The following NOL4L variants were observed in gnomAD, a reference collection of about 807,000 sequenced individuals.
NOL4L encodes nucleolar protein 4-like.
In NOL4L, 7 loss-of-function variants were observed where a neutral mutation model predicts 64.5. That is an observed-to-expected ratio of 0.11 (90% CI 0.06 to 0.20). NOL4L has a LOEUF of 0.20. Among genes scored for constraint, NOL4L ranks in the 10% least tolerant of loss-of-function variants. The pLI is 1.00. For missense variants in NOL4L, 680 were observed against 967.1 expected (o/e 0.70, Z 3.94); for synonymous variants, 413 against 401.0 (o/e 1.03, Z -0.36).
At chr20:32,575,322 C>T (rs1180146803) in intron 1 of NOL4L, among the ~76,000 whole-genome samples, 1 of 152,148 alleles carries the variant, frequency 6.6e-6, no homozygotes, top group African/African-American at 2.4e-5. Flanking sequence ...AATGTTCTTC[C>T]AAACATGCTT....
chr20:32,516,959 C>T (rs1314000721), intron 3 of NOL4L, among the ~76,000 whole-genome samples: 1 of 152,258 alleles, frequency 6.6e-6, no homozygotes, highest in Non-Finnish European at 1.5e-5. Context: ...AGGTCCCTTT[C>T]CCCAAGAGCT....
chr20:32,568,710 A>G (rs550394276), intron 1 of NOL4L, among the ~76,000 whole-genome samples: 6 of 152,146 alleles, frequency 3.9e-5, no homozygotes, highest in Non-Finnish European at 8.8e-5. Flanking sequence ...TGGGCTTCCC[A>G]ACATGGCCAG....
At position 32,584,660 on chromosome 20, in the gene NOL4L, C is replaced by T; in HGVS notation, c.231G>A (p.Gln77=). ...GPAAGEKGKF[Q]FWVRSKGFRL... ...GGAAGCCCTTGGAGCGCACCCAGAACTGGAACTTGCCTTTCTCGCCGGCTG... is the reference window on the plus strand; with the variant it reads ...GGAAGCCCTTGGAGCGCACCCAGAATTGGAACTTGCCTTTCTCGCCGGCTG... The change falls in exon 1 of 11, where the codon CAG becomes CAA. Residue 77 remains glutamine, a synonymous_variant. Coordinates refer to ENST00000621426, the MANE Select transcript of NOL4L (RefSeq NM_001256798.2). 2.6e-6 allele frequency: 4 copies of T among 1,547,186 alleles called. No homozygotes were observed. Among genetic ancestry groups the T allele is most frequent in the Non-Finnish European group, 3.5e-6 (4 of 1,145,354 alleles).
chr20:32,456,197 G>A lies in NOL4L; in HGVS notation c.1040C>T (p.Thr347Ile), dbSNP rs2013495642. 2 of 1,606,738 alleles carry A rather than the reference G, an allele frequency of 1.2e-6. No homozygotes were observed. Among genetic ancestry groups the A allele is most frequent in the South Asian group, 1.1e-5 (1 of 89,778 alleles). ...DKLPPATALG[T>I]ASYPSDGCGA... Reference sequence around the variant, plus strand: ...GCAGCCATCCGAGGGGTAGGAGGCTGTGCCAAGTGCCGTGGCCGGCGGGAG... The same window carrying A: ...GCAGCCATCCGAGGGGTAGGAGGCTATGCCAAGTGCCGTGGCCGGCGGGAG... Residue 347 changes from threonine to isoleucine, a missense_variant, in exon 6 of 11, where the codon ACA (threonine) becomes ATA (isoleucine). By Grantham distance (89) the Thr-to-Ile change is moderately conservative. Around this residue, in one of 4 missense-constraint regions of NOL4L, gnomAD observed 254 missense variants for 238.7 expected, o/e 1.06. Coordinates refer to ENST00000621426, the MANE Select transcript of NOL4L (RefSeq NM_001256798.2).
intron 5 of NOL4L, among the ~76,000 whole-genome samples, chr20:32,468,169 G>A (rs565976217): frequency 7.9e-4 from 120 of 152,220 alleles, no homozygotes; most frequent in South Asian, 6.2e-4. Context: ...GGGAAGGGCC[G>A]GCCAGATCCA....
At chr20:32,509,841 C>A (rs2017313508) in intron 4 of NOL4L, 3 of 1,304,056 alleles carry the variant, frequency 2.3e-6, no homozygotes, top group Non-Finnish European at 3.0e-6. Context: ...GGCTGTGCTT[C>A]CGGCTGTTTG....
Position 32,452,911 on chromosome 20 carries a change from C to T in NOL4L, c.1593G>A (p.Met531Ile), listed in dbSNP as rs1167331379. Residue 531 changes from methionine (M) to isoleucine (I), a missense_variant, in exon 9 of 11, where the codon ATG becomes ATA. Transcript: ENST00000621426. ...ESETRKAAKR[M>I]RLEIYQSSQD... ...GTGAGGACTGGTAGATCTCTAGACG[C>T]ATCCGCTTGGCTGCCTTTCTTGTCT... 4 of 1,614,150 alleles carry T rather than the reference C, an allele frequency of 2.5e-6. No homozygotes were observed. Among genetic ancestry groups the T allele is most frequent in the Non-Finnish European group, 2.5e-6 (3 of 1,180,028 alleles).
chr20:32,584,135 A>G (rs576745777), intron 1 of NOL4L, among the ~76,000 whole-genome samples: 2,035 of 94,250 alleles, frequency 0.022, 33 homozygotes, highest in African/African-American at 0.04. Flanking sequence ...CCGCGCGCGC[A>G]CACACACACA....
intron 1 of NOL4L, among the ~76,000 whole-genome samples, chr20:32,569,622 C>T (rs1043037351): frequency 3.9e-5 from 6 of 152,124 alleles, no homozygotes; most frequent in Admixed American, 3.9e-4. Context: ...CAGGCAGAAG[C>T]CACCTCCTGG....
At chr20:32,513,941 AC>A (rs1343314525) in intron 3 of NOL4L, among the ~76,000 whole-genome samples, 1 of 152,232 alleles carries the variant, frequency 6.6e-6, no homozygotes, top group African/African-American at 2.4e-5. Flanking sequence ...AAGTCTGCCA[AC>A]AAGCGGTGAA....
Position 32,533,834 on chromosome 20 carries a change from C to T in NOL4L, c.322-5921G>A, listed in dbSNP as rs6057593. ...GCATGCTAATTCCCAGGCTGCAGAC[C>T]TAAGAGGGGGATCGGCATGTCTTAC... On this transcript the variant is annotated intron_variant, in intron 1 of 10. Coordinates refer to ENST00000621426, the MANE Select transcript of NOL4L (RefSeq NM_001256798.2). Among the ~76,000 whole-genome samples, 48 of 152,278 alleles carry T rather than the reference C, an allele frequency of 3.2e-4. 1 individual carries two copies. Among genetic ancestry groups the T allele is most frequent in the Admixed American group, 2.8e-3 (43 of 15,292 alleles).
chr20:32,538,133 G>T (rs1223146478), intron 1 of NOL4L, among the ~76,000 whole-genome samples: 4 of 152,214 alleles, frequency 2.6e-5, no homozygotes, highest in Non-Finnish European at 5.9e-5. Context: ...AGTGCAGGCA[G>T]CTGCTTGGAA....
rs542925722 is a variant in NOL4L, at chr20:32,443,184, C to A, written c.*4412G>T. On this transcript the variant is annotated 3_prime_UTR_variant, in exon 11 of 11. Transcript: ENST00000621426. The stretch of plus-strand genomic sequence containing the variant: ...TTAGCAAGTAATACCATGGAGATAA[C>A]AGCTCGATTAACAGCTCATTGGTCT... The A allele has an allele frequency of 1.5e-4, 23 of 152,218 alleles. No homozygotes were observed. The highest frequency in any genetic ancestry group is 3.2e-4 in the Non-Finnish European group (22 of 68,038). The allele number at this position is 152,218 out of a possible 1,614,324, so 9.4% of individuals were successfully genotyped here.
intron 4 of NOL4L, among the ~76,000 whole-genome samples, chr20:32,477,462 T>C (rs1239098630): frequency 1.3e-5 from 2 of 152,238 alleles, no homozygotes; most frequent in Non-Finnish European, 2.9e-5. Flanking sequence ...GCTGTCACTG[T>C]CTTGTGGGTC....
intron 9 of NOL4L, 86 bp from the exon 10 acceptor site, chr20:32,452,523 G>A (rs1451018770): frequency 8.0e-7 from 1 of 1,247,972 alleles, no homozygotes; most frequent in African/African-American, 1.5e-5. Flanking sequence ...GATAAATGCT[G>A]CGGCCCCAGG....
At position 32,584,961 on chromosome 20, in the gene NOL4L, G is replaced by A. The variant is rs1346658035; in HGVS notation, c.-71C>T. ...CCGCCCGGTGCCGGGACTGGGCTGG[G>A]CTGGGCTGGACCGGGCCGGGACGCG... is the stretch of plus-strand genomic sequence containing the variant. On this transcript the variant is annotated 5_prime_UTR_variant, in exon 1 of 11. Transcript: ENST00000621426. 14 of 910,862 alleles carry A rather than the reference G, an allele frequency of 1.5e-5. No individual in the cohort carries two copies. The highest frequency in any genetic ancestry group is 1.9e-5 in the Non-Finnish European group (14 of 752,488). 56.4% of individuals were successfully genotyped at this position (910,862 alleles called of 1,614,324 possible). A position where few individuals can be genotyped will look rare whatever the true frequency, so the allele number is the denominator to read the frequency against.
intron 1 of NOL4L, among the ~76,000 whole-genome samples, chr20:32,543,605 C>A (rs997084148): frequency 6.7e-6 from 1 of 148,746 alleles, no homozygotes; most frequent in Non-Finnish European, 1.5e-5. Context: ...AATGACAGAG[C>A]GAGACTCTGT....
intron 5 of NOL4L, among the ~76,000 whole-genome samples, chr20:32,469,425 C>T (rs1342678423): frequency 6.6e-6 from 1 of 150,464 alleles, no homozygotes; most frequent in Admixed American, 6.6e-5. Flanking sequence ...GGCTGGAGTG[C>T]AAATGGTGTG....
In NOL4L at chr20:32,444,934, C is replaced by G. The variant is rs1392802008; in HGVS notation, c.*2662G>C. 3.9e-5 allele frequency: 5 copies of G among 127,428 alleles called. No homozygotes were observed. Among genetic ancestry groups the G allele is most frequent in the Admixed American group, 8.2e-5 (1 of 12,208 alleles). The allele number at this position is 127,428 out of a possible 1,614,324, so 7.9% of individuals were successfully genotyped here. A position where few individuals can be genotyped will look rare whatever the true frequency, so the allele number is the denominator to read the frequency against. On this transcript the variant is annotated 3_prime_UTR_variant, in exon 11 of 11. Coordinates refer to ENST00000621426, the MANE Select transcript of NOL4L (RefSeq NM_001256798.2). Reference sequence around the variant, plus strand: ...CGGGAGTAGGGGGAAGGGGTTGAAGCTGCATCTTTTAAAACAAAAGCAAAA... The same window carrying G: ...CGGGAGTAGGGGGAAGGGGTTGAAGGTGCATCTTTTAAAACAAAAGCAAAA...
Sources: gnomAD v4.1 joint callset for allele counts (sites outside exome capture counted in the v4.1 genomes callset) on GRCh38, gnomAD v4.1.1 for gene constraint, gnomAD v4.1.1 regional missense constraint, MANE v1.5 for transcripts, NCBI Gene and HGNC (gene_info 2026-07-23, HGNC 2026-07-21) for gene names.